Variants in BCL9L observed in about 807,000 individuals in gnomAD.
BCL9L encodes the protein BCL9 like.
Under a neutral mutation model 99.4 loss-of-function variants are expected in BCL9L, and 19 were observed. The ratio of observed to expected loss-of-function variants is 0.19; its 90% CI spans 0.13 to 0.28. BCL9L has a LOEUF of 0.28. Among genes scored for constraint, BCL9L ranks in the 10% least tolerant of loss-of-function variants. BCL9L has a pLI of 1.00. For missense variants in BCL9L, 2,023 were observed against 2,101.6 expected (o/e 0.96, Z 0.73); for synonymous variants, 900 against 854.8 (o/e 1.05, Z -0.92).
Position 118,900,514 on chromosome 11 carries a change from C to T in BCL9L, c.3124+105G>A. On this transcript the variant is annotated intron_variant, in intron 8 of 9. Transcript: ENST00000683865. The surrounding 1 kb of genome is among the most constrained non-coding windows in gnomAD (Gnocchi z 5.3). ...ATAAGCAGAGCCATCCACCTCTGGG[C>T]CCGTGGTACACAGGCCCTTACTCAC... 2 of 1,478,094 alleles carry T rather than the reference C, an allele frequency of 1.4e-6. No individual in the cohort carries two copies. The highest frequency in any genetic ancestry group is 4.7e-5 in the East Asian group (2 of 42,640). The allele number at this position is 1,478,094 out of a possible 1,614,324, so 91.6% of individuals were successfully genotyped here.
At chr11:118,911,988 G>C (rs1252513051) in intron 2 of BCL9L, among the ~76,000 whole-genome samples, 1 of 152,270 alleles carries the variant, frequency 6.6e-6, no homozygotes, top group Non-Finnish European at 1.5e-5. Context: ...CTCCTCCCCA[G>C]AAGACTCTTC....
chr11:118,915,408 G>A (rs981132940), intron 2 of BCL9L, among the ~76,000 whole-genome samples: 2 of 152,180 alleles, frequency 1.3e-5, no homozygotes, highest in South Asian at 4.2e-4. Flanking sequence ...GCACTGTCCA[G>A]ATATTTTCCC....
rs1939914288 is a variant in BCL9L at position 118,896,244 on chromosome 11, A to G, written c.*2171T>C. 1 of 166,374 alleles carries G rather than the reference A, an allele frequency of 6.0e-6. No homozygotes were observed. The highest frequency in any genetic ancestry group is 1.5e-5 in the Non-Finnish European group (1 of 68,060). The allele number at this position is 166,374 out of a possible 1,614,324, so 10.3% of individuals were successfully genotyped here. A position where few individuals can be genotyped will look rare whatever the true frequency, so the allele number is the denominator to read the frequency against. On this transcript the variant is annotated 3_prime_UTR_variant, in exon 10 of 10. Coordinates refer to ENST00000683865, the MANE Select transcript of BCL9L (RefSeq NM_001378213.1). ...AGCCTAAAAATTGTTTCAAAATAAA[A>G]ACCAAGAAGATGTCTTCACATATTG...
rs768878743 is a variant in BCL9L, at chr11:118,900,149, G to A, written c.3174C>T (p.Ala1058=). 1 of 1,612,684 alleles carries A rather than the reference G, an allele frequency of 6.2e-7. No individual in the cohort carries two copies. The highest frequency in any genetic ancestry group is 8.5e-7 in the Non-Finnish European group (1 of 1,179,070). ...GGTTCATGAGGCCGCTGGGAGGGTT[G>A]GCGGGAGGTGCTGAGGAGCTGCTCC... ...GPRSSSSAPP[A]NPPSGLMNPS... The change falls in exon 9 of 10, where the codon GCC becomes GCT. Residue 1058 remains alanine (A), a synonymous_variant. Transcript: ENST00000683865. This position sits in a 1 kb window ranked among gnomAD's most constrained non-coding sequence, Gnocchi z 5.3.
rs879468011 is a variant in BCL9L at position 118,914,087 on chromosome 11, T to C, written c.-76-4072A>G. 6.6e-6 allele frequency among the ~76,000 whole-genome samples: 1 copy of C among 152,074 alleles called. No homozygotes were observed. The highest frequency in any genetic ancestry group is 1.5e-5 in the Non-Finnish European group (1 of 67,978). ...GATCCAGGTGCCACTCTCTACCCTA[T>C]GGAGACTCCCATCTCAGGAGGTGGT... On this transcript the variant is annotated intron_variant, in intron 2 of 9. Coordinates refer to ENST00000683865, the MANE Select transcript of BCL9L (RefSeq NM_001378213.1). This position sits in a 1 kb window ranked among gnomAD's most constrained non-coding sequence, Gnocchi z 4.4.
intron 3 of BCL9L, 108 bp downstream of exon 3, chr11:118,909,806 C>T: frequency 6.4e-7 from 1 of 1,563,882 alleles, no homozygotes; most frequent in Non-Finnish European, 8.8e-7. Flanking sequence ...GCCAGGTGCC[C>T]AGGGCGGCTC....
At position 118,908,474 on chromosome 11, in the gene BCL9L, C is replaced by T. The variant is rs748154029; in HGVS notation, c.208G>A (p.Val70Met). The change falls in exon 4 of 10, where the codon GTG (valine) becomes ATG (methionine). Residue 70 changes from valine to methionine, a missense_variant. Coordinates refer to ENST00000683865, the MANE Select transcript of BCL9L (RefSeq NM_001378213.1). ...QNVNQGPTCN[V>M]GSKGVGAGNH... Reference sequence around the variant, plus strand: ...CCCGCCCCCACGCCCTTCGAGCCCACGTTGCAGGTGGGTCCTTGGTTCACA... The same window carrying T: ...CCCGCCCCCACGCCCTTCGAGCCCATGTTGCAGGTGGGTCCTTGGTTCACA... 8.1e-6 allele frequency: 13 copies of T among 1,614,042 alleles called. No individual in the cohort carries two copies. Among genetic ancestry groups the T allele is most frequent in the Middle Eastern group, 1.6e-4 (1 of 6,082 alleles).
chr11:118,899,949 G>A lies in BCL9L; in HGVS notation c.3374C>T (p.Pro1125Leu), dbSNP rs928084930. 7.4e-6 allele frequency: 12 copies of A among 1,613,460 alleles called. No homozygotes were observed. Among genetic ancestry groups the A allele is most frequent in the Non-Finnish European group, 1.0e-5 (12 of 1,179,932 alleles). Reference protein sequence around the residue: ...DELLPDRPLLPPPPPPQGSGP... With the variant: ...DELLPDRPLLLPPPPPQGSGP... ...GGAGCCCTGCGGTGGTGGTGGGGGG[G>A]GCAGCAGGGGCCGGTCGGGCAGCAG... The change falls in exon 9 of 10, where the codon CCC becomes CTC. Residue 1125 changes from proline (P) to leucine (L), a missense_variant. Around this residue, in one of 3 missense-constraint regions of BCL9L, gnomAD observed 902 missense variants for 888.2 expected, o/e 1.02. Transcript: ENST00000683865.
Position 118,903,157 on chromosome 11 carries a change from C to T in BCL9L, c.749+79G>A, listed in dbSNP as rs750005193. On this transcript the variant is annotated intron_variant, in intron 6 of 9. Coordinates refer to ENST00000683865, the MANE Select transcript of BCL9L (RefSeq NM_001378213.1). The surrounding 1 kb of genome is among the most constrained non-coding windows in gnomAD (Gnocchi z 5.6). ...TCACCCACCCCACCCTGCCCCTGCA[C>T]GGGGCTCCCTCGGAACCCCAGGCTG... 1.3e-5 allele frequency: 20 copies of T among 1,543,848 alleles called. No homozygotes were observed. The highest frequency in any genetic ancestry group is 8.1e-5 in the African/African-American group (6 of 73,758).
rs1939998634 is a variant in BCL9L, at chr11:118,898,131, A to G, written c.*284T>C. 1.6e-5 allele frequency: 9 copies of G among 558,350 alleles called. No individual in the cohort carries two copies. In the South Asian group the frequency reaches 1.6e-4, roughly 10 times the overall value. 34.6% of individuals were successfully genotyped at this position (558,350 alleles called of 1,614,324 possible). On this transcript the variant is annotated 3_prime_UTR_variant, in exon 10 of 10. Coordinates refer to ENST00000683865, the MANE Select transcript of BCL9L (RefSeq NM_001378213.1). The stretch of plus-strand genomic sequence containing the variant: ...GGCGGGTGCAGGGATGCACGGAAAG[A>G]GGTAAAATAGAGAGGCTCCATAGGA...
chr11:118,904,128 C>T (rs1326336033), intron 5 of BCL9L, among the ~76,000 whole-genome samples: 1 of 152,144 alleles, frequency 6.6e-6, no homozygotes, highest in Non-Finnish European at 1.5e-5. Context: ...ATCAATGTCA[C>T]AGACTAAAAA....
chr11:118,903,104 G>A lies in BCL9L; in HGVS notation c.750-30C>T. 3 of 1,557,230 alleles carry A rather than the reference G, an allele frequency of 1.9e-6. No homozygotes were observed. The highest frequency in any genetic ancestry group is 2.6e-6 in the Non-Finnish European group (3 of 1,155,290). ...ACAGAGTGGGGGCACCGACAGCTCA[G>A]AGAGGTGAGCAGGAGGGAGCCCCAC... is the stretch of plus-strand genomic sequence containing the variant. On this transcript the variant is annotated intron_variant, in intron 6 of 9. Transcript: ENST00000683865. The surrounding 1 kb of genome is among the most constrained non-coding windows in gnomAD (Gnocchi z 5.6).
At chr11:118,917,889 C>T (rs373139416) in intron 2 of BCL9L, among the ~76,000 whole-genome samples, 3 of 152,148 alleles carry the variant, frequency 2.0e-5, no homozygotes, top group Admixed American at 6.5e-5. Context: ...AGAGTTACCA[C>T]GGGCTCGTGA....
chr11:118,905,735 T>C (rs1940489346), intron 5 of BCL9L, among the ~76,000 whole-genome samples: 1 of 151,894 alleles, frequency 6.6e-6, no homozygotes, highest in Non-Finnish European at 1.5e-5. Flanking sequence ...GAAAATCGCT[T>C]GAACTCAGGA....
chr11:118,919,128 C>A (rs1410499742), intron 1 of BCL9L, among the ~76,000 whole-genome samples: 2 of 131,226 alleles, frequency 1.5e-5, no homozygotes, highest in African/African-American at 2.9e-5. Context: ...GACCCCCCAA[C>A]CCCCGCCCAC....
In BCL9L at chr11:118,908,459, C is replaced by T. The variant is rs201676731; in HGVS notation, c.223G>A (p.Val75Met). Residue 75 changes from valine to methionine, a missense_variant, in exon 4 of 10, where the codon GTG becomes ATG. This residue lies in a region of BCL9L where 1,116 missense variants were observed against 1,194.6 expected (regional missense o/e 0.93). Coordinates refer to ENST00000683865, the MANE Select transcript of BCL9L (RefSeq NM_001378213.1). ...GPTCNVGSKG[V>M]GAGNHGAKAN... ...TTGGCCCCATGGTTCCCCGCCCCCA[C>T]GCCCTTCGAGCCCACGTTGCAGGTG... 90 of 1,614,136 alleles carry T rather than the reference C, an allele frequency of 5.6e-5. 1 individual carries two copies. In the East Asian group the frequency reaches 6.7e-4, roughly 12 times the overall value.
At chr11:118,915,926 GC>G (rs528844659) in intron 2 of BCL9L, among the ~76,000 whole-genome samples, 1 of 152,176 alleles carries the variant, frequency 6.6e-6, no homozygotes, top group Non-Finnish European at 1.5e-5. Flanking sequence ...GGTTAACAAG[GC>G]CCTAAAAATA....
intron 2 of BCL9L, among the ~76,000 whole-genome samples, chr11:118,918,444 G>A (rs901815146): frequency 6.6e-5 from 10 of 152,122 alleles, no homozygotes; most frequent in Non-Finnish European, 7.4e-5. Flanking sequence ...GGGATAACCA[G>A]GAAGTTGTAC....
At position 118,921,539 on chromosome 11, in the gene BCL9L, G is replaced by A. The variant is rs1007121933; in HGVS notation, c.-130-2660C>T. On this transcript the variant is annotated intron_variant, in intron 1 of 9. Coordinates refer to ENST00000683865, the MANE Select transcript of BCL9L (RefSeq NM_001378213.1). This position sits in a 1 kb window ranked among gnomAD's most constrained non-coding sequence, Gnocchi z 5.4. ...AGGAGGGGAAGACGGGCCAGCCCAG[G>A]GCTACCAGTCCATTGGAGGAGGAAC... Among the ~76,000 whole-genome samples the A allele has an allele frequency of 6.6e-6, 1 of 152,112 alleles. No homozygotes were observed. The highest frequency in any genetic ancestry group is 6.5e-5 in the Admixed American group (1 of 15,268).
Sources: allele counts gnomAD v4.1 joint callset (sites outside exome capture counted in the v4.1 genomes callset), GRCh38; gene constraint gnomAD v4.1.1; regional missense constraint gnomAD v4.1.1; non-coding constraint Gnocchi (gnomAD v3.1); transcripts MANE v1.5; gene names NCBI Gene and HGNC (gene_info 2026-07-23, HGNC 2026-07-21).